CPEB4: variants seen among roughly 807,000 people sequenced by gnomAD.
CPEB4 encodes the protein cytoplasmic polyadenylation element binding protein 4, also known as cytoplasmic polyadenylation element-binding protein 4.
In CPEB4, 12 loss-of-function variants were observed where a neutral mutation model predicts 72.5. That is an observed-to-expected ratio of 0.17 (90% confidence interval 0.11 to 0.27). The LOEUF (loss-of-function observed/expected upper bound fraction) is 0.27, where lower values mean the gene tolerates loss of function less well. CPEB4 is among the 10% of genes least tolerant of loss of function. The probability of loss-of-function intolerance (pLI) is 1.00; values close to 1 mark genes in which losing one functional copy is unlikely to be tolerated. For synonymous variants in CPEB4, 302 were observed against 326.3 expected, an observed-to-expected ratio of 0.93 and a Z score of 0.80; for missense variants, 614 against 908.5, an observed-to-expected ratio of 0.68 and a Z score of 4.17.
intron 1 of CPEB4, among the ~76,000 whole-genome samples, chr5:173,909,282 C>T (rs1756553673): frequency 6.6e-6 from 1 of 152,152 alleles, no homozygotes; most frequent in African/African-American, 2.4e-5. Flanking sequence ...GCTTTCTCAT[C>T]TAAATTCTAA....
Position 173,938,569 on chromosome 5 carries a change from A to G in CPEB4, c.1259-4457A>G, listed in dbSNP as rs1486472704. ...GATAACATCTTATCATCTGAGCTAC[A>G]CCCCCCTTTTTTTTCCAGATAGAAT... On this transcript the variant is annotated intron_variant, in intron 3 of 9. Coordinates refer to ENST00000265085, the MANE Select transcript of CPEB4 (RefSeq NM_030627.4). Among the ~76,000 whole-genome samples, 4 of 151,918 alleles carry G rather than the reference A, an allele frequency of 2.6e-5. No homozygotes were observed. The East Asian group carries it at 7.7e-4, about 29-fold the overall frequency.
chr5:173,892,351 A>G (rs2113116635), intron 1 of CPEB4, among the ~76,000 whole-genome samples: 1 of 150,954 alleles, frequency 6.6e-6, no homozygotes, highest in Middle Eastern at 3.4e-3. Flanking sequence ...CCAAAGATCA[A>G]TTACTGTGCT....
rs538869298 is a variant in CPEB4 at position 173,959,191 on chromosome 5, C to G, written c.*3054C>G. 6.5e-6 allele frequency: 1 copy of G among 152,804 alleles called. No individual in the cohort carries two copies. Among genetic ancestry groups the G allele is most frequent in the Non-Finnish European group, 1.5e-5 (1 of 68,038 alleles). The allele number at this position is 152,804 out of a possible 1,614,324, so 9.5% of individuals were successfully genotyped here. On this transcript the variant is annotated 3_prime_UTR_variant, in exon 10 of 10. Coordinates refer to ENST00000265085, the MANE Select transcript of CPEB4 (RefSeq NM_030627.4). The stretch of plus-strand genomic sequence containing the variant: ...TCACCAAGCATGTAGTTCTAGCGCA[C>G]TAGCATGGCGCCAGCCATGTACTTA...
chr5:173,927,844 C>G (rs1315701355), intron 2 of CPEB4, among the ~76,000 whole-genome samples: 2 of 151,842 alleles, frequency 1.3e-5, no homozygotes, highest in Non-Finnish European at 2.9e-5. Context: ...CCTGCGTGCA[C>G]ATAGATGTTT....
intron 2 of CPEB4, among the ~76,000 whole-genome samples, chr5:173,924,520 T>C (rs967495269): frequency 1.3e-5 from 2 of 152,204 alleles, no homozygotes; most frequent in African/African-American, 4.8e-5. Context: ...CTCTTACAAG[T>C]GGAAAATTGT....
intron 2 of CPEB4, among the ~76,000 whole-genome samples, chr5:173,929,796 A>G (rs1177283099): frequency 1.3e-5 from 2 of 152,226 alleles, no homozygotes; most frequent in Admixed American, 1.3e-4. Context: ...CAATGTTAGC[A>G]TTAAATAATT....
intron 1 of CPEB4, among the ~76,000 whole-genome samples, chr5:173,909,740 C>T (rs1356692109): frequency 6.6e-6 from 1 of 152,094 alleles, no homozygotes; most frequent in Admixed American, 6.5e-5. Flanking sequence ...TGGCTCATGC[C>T]TGTAATCCCA....
At chr5:173,954,464 C>G (rs1758314054) in intron 9 of CPEB4, among the ~76,000 whole-genome samples, 1 of 151,648 alleles carries the variant, frequency 6.6e-6, no homozygotes, top group Non-Finnish European at 1.5e-5. Context: ...CCTCTGCCTC[C>G]CGGGTTCAAG....
At chr5:173,901,773 A>T (rs779545391) in intron 1 of CPEB4, among the ~76,000 whole-genome samples, 1 of 152,244 alleles carries the variant, frequency 6.6e-6, no homozygotes, top group Non-Finnish European at 1.5e-5. Context: ...TATGTAATTC[A>T]TGTAAGATGC....
At chr5:173,922,316 C>T (rs371648719) in intron 2 of CPEB4, among the ~76,000 whole-genome samples, 140 of 152,084 alleles carry the variant, frequency 9.2e-4, no homozygotes, top group African/African-American at 3.2e-3. Flanking sequence ...CTGCAGCCTC[C>T]GCCTCCTGGG....
At chr5:173,895,213 A>G (rs1038630503) in intron 1 of CPEB4, among the ~76,000 whole-genome samples, 14 of 152,228 alleles carry the variant, frequency 9.2e-5, no homozygotes, top group Admixed American at 9.2e-4. Context: ...ATATCTTAGA[A>G]TTCTGACATC....
At chr5:173,945,622 G>A (rs72812832) in intron 5 of CPEB4, among the ~76,000 whole-genome samples, 33,792 of 152,164 alleles carry the variant, frequency 0.22, 4,970 homozygotes, top group Non-Finnish European at 0.31. Context: ...TAAACAAGAT[G>A]GAAGGTCCCT....
chr5:173,928,186 A>G (rs1282500293), intron 2 of CPEB4, among the ~76,000 whole-genome samples: 2 of 152,226 alleles, frequency 1.3e-5, no homozygotes, highest in Non-Finnish European at 2.9e-5. Flanking sequence ...ATGGCAGTGA[A>G]ACTACTTTGT....
intron 7 of CPEB4, among the ~76,000 whole-genome samples, chr5:173,951,390 G>A (rs78200650): frequency 6.6e-6 from 1 of 152,292 alleles, no homozygotes; most frequent in African/African-American, 2.4e-5. Flanking sequence ...AGATTTGATA[G>A]TATCAGGAGT....
At chr5:173,908,411 C>A (rs533287575) in intron 1 of CPEB4, among the ~76,000 whole-genome samples, 1 of 152,324 alleles carries the variant, frequency 6.6e-6, no homozygotes, top group Admixed American at 6.5e-5. Context: ...TCTTCCCCAT[C>A]CTCATCCTCA....
chr5:173,914,100 T>C (rs1377182339), intron 2 of CPEB4, among the ~76,000 whole-genome samples: 2 of 152,196 alleles, frequency 1.3e-5, no homozygotes, highest in Admixed American at 1.3e-4. Flanking sequence ...CACAGATGAG[T>C]GCATGGATCT....
At chr5:173,952,281 C>T (rs941714422) in intron 8 of CPEB4, among the ~76,000 whole-genome samples, 7 of 152,122 alleles carry the variant, frequency 4.6e-5, no homozygotes, top group South Asian at 2.1e-4. Flanking sequence ...CTAATTATTA[C>T]GCTCATCATT....
chr5:173,916,316 C>T (rs1401737534), intron 2 of CPEB4, among the ~76,000 whole-genome samples: 1 of 152,190 alleles, frequency 6.6e-6, no homozygotes, highest in African/African-American at 2.4e-5. Flanking sequence ...CACAATTCCT[C>T]TGAGTTTCAG....
intron 2 of CPEB4, among the ~76,000 whole-genome samples, chr5:173,927,833 G>A (rs879521931): frequency 6.6e-6 from 1 of 151,944 alleles, no homozygotes; most frequent in African/African-American, 2.4e-5. Context: ...CTACGCAAAA[G>A]CCTGCGTGCA....
Sources: allele counts gnomAD v4.1 joint callset (sites outside exome capture counted in the v4.1 genomes callset), GRCh38; gene constraint gnomAD v4.1.1; transcripts MANE v1.5; gene names NCBI Gene and HGNC (gene_info 2026-07-23, HGNC 2026-07-21).